Variants in ZBTB48 observed in about 807,000 individuals in gnomAD.
ZBTB48 encodes zinc finger and BTB domain-containing protein 48.
In ZBTB48, 35 loss-of-function variants were observed where a neutral mutation model predicts 64.5. The ratio of observed to expected loss-of-function variants is 0.54; its 90% CI spans 0.41 to 0.72. The LOEUF is 0.72. ZBTB48 is among the 30% of genes least tolerant of loss of function. The pLI, the probability that ZBTB48 is intolerant of heterozygous loss-of-function variation, is 0.00. For synonymous variants in ZBTB48, 442 were observed against 356.7 expected, an observed-to-expected ratio of 1.24 and a Z score of -2.70; for missense variants, 828 against 895.3, an observed-to-expected ratio of 0.92 and a Z score of 0.96.
chr1:6,585,138 G>A (rs1640612625), intron 3 of ZBTB48, among the ~76,000 whole-genome samples: 1 of 152,190 alleles, frequency 6.6e-6, no homozygotes, highest in Admixed American at 6.5e-5. Context: ...GGTCTCTAGA[G>A]TCTTACTGAG....
intron 2 of ZBTB48, among the ~76,000 whole-genome samples, chr1:6,581,643 G>A (rs752235977): frequency 7.4e-4 from 112 of 150,388 alleles, no homozygotes; most frequent in Non-Finnish European, 1.3e-3. Flanking sequence ...CAGCCTAGGC[G>A]ACAGAGCAAG....
intron 4 of ZBTB48, 98 bp from the exon 5 acceptor site, chr1:6,586,597 A>T: frequency 8.1e-7 from 1 of 1,232,108 alleles, no homozygotes; most frequent in African/African-American, 1.6e-5. Flanking sequence ...CTCCCCAGGC[A>T]GACTCTTCCC....
intron 2 of ZBTB48, 117 bp downstream of exon 2, chr1:6,581,416 C>CT (rs1189007371): frequency 8.5e-7 from 1 of 1,182,066 alleles, no homozygotes; most frequent in Non-Finnish European, 1.1e-6. Flanking sequence ...AATCCTAGCA[C>CT]TTTGGGAGGC....
At position 6,588,148 on chromosome 1, in the gene ZBTB48, GAGA is replaced by G; in HGVS notation, c.1471_1473del (p.Lys491del). On this transcript the variant is annotated inframe_deletion, in exon 8 of 11. Coordinates refer to ENST00000377674, the MANE Select transcript of ZBTB48 (RefSeq NM_005341.4). ...CATGCACCTGCGCACACACACGGGT[GAGA>G]AGCCCTTCCAGTGCCACCTCTGTGG... The G allele has an allele frequency of 6.2e-7, 1 of 1,614,176 alleles. No homozygotes were observed. The highest frequency in any genetic ancestry group is 8.5e-7 in the Non-Finnish European group (1 of 1,180,044).
In ZBTB48 at chr1:6,588,769, G is replaced by A. The variant is rs753846758; in HGVS notation, c.1695G>A (p.Leu565=). Residue 565 remains leucine (L), a synonymous_variant, in exon 10 of 11, where the codon CTG becomes CTA. Transcript: ENST00000377674. ...CGKTFKAVEQ[L]RVHVRRHKGV... is the part of the protein sequence containing the mutation. ...TCCCTCTTGCAGCCGTGGAGCAACT[G>A]CGTGTGCACGTCAGACGGCACAAGG... 1 of 1,614,120 alleles carries A rather than the reference G, an allele frequency of 6.2e-7. No homozygotes were observed. The highest frequency in any genetic ancestry group is 8.5e-7 in the Non-Finnish European group (1 of 1,180,042).
intron 3 of ZBTB48, among the ~76,000 whole-genome samples, chr1:6,583,180 G>A (rs775276880): frequency 2.0e-5 from 3 of 151,456 alleles, no homozygotes; most frequent in Non-Finnish European, 4.4e-5. Flanking sequence ...TAGTAGAGAC[G>A]GGGTTTCACC....
At chr1:6,586,554 T>G in intron 4 of ZBTB48, 141 bp from the exon 5 acceptor site, 1 of 1,417,098 alleles carries the variant, frequency 7.1e-7, no homozygotes, top group Non-Finnish European at 9.2e-7. Context: ...AGGCAGGTTA[T>G]GTGTTGCCCT....
chr1:6,588,747 C>A lies in ZBTB48; in HGVS notation c.1682-9C>A, dbSNP rs373985058. The A allele has an allele frequency of 1.4e-5, 23 of 1,613,986 alleles. No individual in the cohort carries two copies. Among genetic ancestry groups the A allele is most frequent in the Non-Finnish European group, 1.9e-5 (23 of 1,180,034 alleles). Reference sequence around the variant, plus strand: ...TGCATGATCCCCCACGGTGTTCTCCCTCTTGCAGCCGTGGAGCAACTGCGT... The same window carrying A: ...TGCATGATCCCCCACGGTGTTCTCCATCTTGCAGCCGTGGAGCAACTGCGT... On this transcript the variant is annotated splice_polypyrimidine_tract_variant and intron_variant, in intron 9 of 10. Transcript: ENST00000377674.
chr1:6,587,766 C>A, intron 7 of ZBTB48, 134 bp downstream of exon 7: 1 of 1,426,292 alleles, frequency 7.0e-7, no homozygotes, highest in Non-Finnish European at 9.4e-7. Flanking sequence ...CTAGTGCCTA[C>A]AGCCTCTCTG....
chr1:6,587,378 TTC>T (rs1314351381), intron 6 of ZBTB48, 87 bp downstream of exon 6: 29 of 1,608,834 alleles, frequency 1.8e-5, no homozygotes, highest in Non-Finnish European at 2.4e-5. Flanking sequence ...GCCATGTACT[TTC>T]TGTTGTTCGG....
At chr1:6,582,923 G>T (rs1397083283) in intron 3 of ZBTB48, among the ~76,000 whole-genome samples, 3 of 152,196 alleles carry the variant, frequency 2.0e-5, no homozygotes, top group Admixed American at 6.5e-5. Context: ...ACCCACCCTG[G>T]CCTCCCAAAG....
At chr1:6,583,859 A>C (rs1402414007) in intron 3 of ZBTB48, among the ~76,000 whole-genome samples, 1 of 148,464 alleles carries the variant, frequency 6.7e-6, no homozygotes, top group African/African-American at 2.5e-5. Flanking sequence ...AGCTCACTAC[A>C]ACCTCTGCCT....
rs1640716571 is a variant in ZBTB48, at chr1:6,587,502, C to T, written c.1249C>T (p.Leu417=). 1.2e-6 allele frequency: 2 copies of T among 1,614,056 alleles called. No individual in the cohort carries two copies. Among genetic ancestry groups the T allele is most frequent in the Non-Finnish European group, 1.7e-6 (2 of 1,180,010 alleles). ...GTGCCCCACCTGTGCCAAGTGCTTCCTGTCTCGGACAGAGCTGCAGCTGCA... is the reference window on the plus strand; with the variant it reads ...GTGCCCCACCTGTGCCAAGTGCTTCTTGTCTCGGACAGAGCTGCAGCTGCA... The part of the protein sequence containing the change: ...HACPTCAKCF[L]SRTELQLHEA... Residue 417 remains leucine, a synonymous_variant, in exon 7 of 11, where the codon CTG becomes TTG. Transcript: ENST00000377674.
chr1:6,583,312 A>AT (rs1414727047), intron 3 of ZBTB48, among the ~76,000 whole-genome samples: 12 of 147,588 alleles, frequency 8.1e-5, no homozygotes, highest in African/African-American at 2.0e-4. Context: ...ATTTTATTTT[A>AT]TTTTTTTGAG....
Position 6,587,465 on chromosome 1 carries a change from G to T in ZBTB48, c.1225-13G>T. The T allele has an allele frequency of 6.2e-7, 1 of 1,613,642 alleles. No individual in the cohort carries two copies. Among genetic ancestry groups the T allele is most frequent in the Non-Finnish European group, 8.5e-7 (1 of 1,179,938 alleles). On this transcript the variant is annotated splice_polypyrimidine_tract_variant and intron_variant, in intron 6 of 10. Transcript: ENST00000377674. Reference sequence around the variant, plus strand: ...CCCTGGTCCCTCCCTCTGCCTGCCTGGTCTGCCTGCAGTGCCCCACCTGTG... The same window carrying T: ...CCCTGGTCCCTCCCTCTGCCTGCCTTGTCTGCCTGCAGTGCCCCACCTGTG...
chr1:6,588,828 A>C lies in ZBTB48; in HGVS notation c.1754A>C (p.Tyr585Ser). 1 of 1,614,140 alleles carries C rather than the reference A, an allele frequency of 6.2e-7. No homozygotes were observed. Among genetic ancestry groups the C allele is most frequent in the Non-Finnish European group, 8.5e-7 (1 of 1,180,038 alleles). The change falls in exon 10 of 11, where the codon TAC (tyrosine) becomes TCC (serine). Residue 585 changes from tyrosine (Y) to serine (S), a missense_variant. By Grantham distance (144) the Tyr-to-Ser change is moderately radical. Transcript: ENST00000377674. ...VRKFECTECG[Y>S]KFTRQAHLRR... Reference sequence around the variant, plus strand: ...AAGTTTGAGTGCACCGAGTGTGGCTACAAGTTTACCCGACAGGTAGGCCAG... The same window carrying C: ...AAGTTTGAGTGCACCGAGTGTGGCTCCAAGTTTACCCGACAGGTAGGCCAG...
intron 5 of ZBTB48, 176 bp downstream of exon 5, chr1:6,586,963 A>G (rs1236479144): frequency 2.2e-6 from 2 of 896,360 alleles, no homozygotes; most frequent in Non-Finnish European, 1.8e-6. Flanking sequence ...TACTGTCTGC[A>G]GCCTCACCTC....
In ZBTB48 at chr1:6,588,104, C is replaced by T; in HGVS notation, c.1424C>T (p.Thr475Ile). ...TGTGAGTTCTGCAGCCACGCCTTCACCCAAAAGGCCAATCTCAACATGCAC... is the reference window on the plus strand; with the variant it reads ...TGTGAGTTCTGCAGCCACGCCTTCATCCAAAAGGCCAATCTCAACATGCAC... Reference protein sequence around the residue: ...HVCEFCSHAFTQKANLNMHLR... With the variant: ...HVCEFCSHAFIQKANLNMHLR... Residue 475 changes from threonine (T) to isoleucine (I), a missense_variant, in exon 8 of 11, where the codon ACC (threonine) becomes ATC (isoleucine). Physicochemically the swap from Thr to Ile is moderately conservative, Grantham distance 89. Transcript: ENST00000377674. The T allele has an allele frequency of 6.2e-7, 1 of 1,614,174 alleles. No homozygotes were observed. The highest frequency in any genetic ancestry group is 8.5e-7 in the Non-Finnish European group (1 of 1,180,048).
Position 6,585,915 on chromosome 1 carries a change from G to T in ZBTB48, c.933-4G>T. ...CCCCCCACCCCTGTGGCTTCTCCTG[G>T]CAGGAAACATACTGGGGAGAAACCC... On this transcript the variant is annotated splice_region_variant and splice_polypyrimidine_tract_variant and intron_variant, in intron 3 of 10. Coordinates refer to ENST00000377674, the MANE Select transcript of ZBTB48 (RefSeq NM_005341.4). 1.2e-6 allele frequency: 2 copies of T among 1,613,896 alleles called. No homozygotes were observed. Among genetic ancestry groups the T allele is most frequent in the Non-Finnish European group, 1.7e-6 (2 of 1,179,850 alleles).
Sources: allele counts gnomAD v4.1 joint callset (sites outside exome capture counted in the v4.1 genomes callset), GRCh38; gene constraint gnomAD v4.1.1; transcripts MANE v1.5; gene names NCBI Gene and HGNC (gene_info 2026-07-23, HGNC 2026-07-21).